FILIP1: variants seen among roughly 807,000 people sequenced by gnomAD.
The protein encoded by FILIP1 is filamin A interacting protein 1.
A neutral mutation model predicts 102.1 loss-of-function variants in FILIP1; 61 were observed. The observed-to-expected ratio is 0.60, with a 90% CI of 0.49 to 0.74. The LOEUF (loss-of-function observed/expected upper bound fraction) is 0.74, where lower values mean the gene tolerates loss of function less well. FILIP1 is among the 30% of genes least tolerant of loss of function. The probability of loss-of-function intolerance (pLI) is 0.00; values close to 1 mark genes in which losing one functional copy is unlikely to be tolerated. For missense variants in FILIP1, 1,314 were observed against 1,441.2 expected (o/e 0.91, Z 1.43); for synonymous variants, 491 against 526.9 (o/e 0.93, Z 0.93).
chr6:75,469,567 C>A (rs553275833), intron 1 of FILIP1, among the ~76,000 whole-genome samples: 10 of 152,078 alleles, frequency 6.6e-5, no homozygotes, highest in Non-Finnish European at 1.5e-4. Flanking sequence ...AAAGGATTAG[C>A]TTTTAAGAAT....
chr6:75,433,866 T>C (rs1426711103), intron 1 of FILIP1, among the ~76,000 whole-genome samples: 3 of 152,204 alleles, frequency 2.0e-5, no homozygotes, highest in African/African-American at 7.2e-5. Context: ...AATTTCTGTA[T>C]AAGGTGTAAG....
At chr6:75,493,037 GAA>G (rs1177153638) in intron 1 of FILIP1, among the ~76,000 whole-genome samples, 1 of 152,176 alleles carries the variant, frequency 6.6e-6, no homozygotes, top group Admixed American at 6.6e-5. Context: ...TTCAGTAAAT[GAA>G]AGTTATTTTA....
At chr6:75,480,086 T>C (rs1047940805) in intron 1 of FILIP1, among the ~76,000 whole-genome samples, 3 of 151,832 alleles carry the variant, frequency 2.0e-5, no homozygotes, top group African/African-American at 7.2e-5. Flanking sequence ...ATGTTTTAAA[T>C]TTTTTTTGTT....
At chr6:75,420,752 G>T (rs1050272443) in intron 1 of FILIP1, among the ~76,000 whole-genome samples, 2 of 151,704 alleles carry the variant, frequency 1.3e-5, no homozygotes, top group South Asian at 4.2e-4. Flanking sequence ...CTCCTTCCTG[G>T]GTAATTTTGT....
intron 4 of FILIP1, among the ~76,000 whole-genome samples, chr6:75,329,435 C>A (rs962110022): frequency 6.6e-6 from 1 of 152,216 alleles, no homozygotes; most frequent in Admixed American, 6.5e-5. Context: ...CGTTTTGCAA[C>A]ACAAATGTCA....
At chr6:75,299,033 A>T (rs1400157505) in intron 6 of FILIP1, among the ~76,000 whole-genome samples, 1 of 152,142 alleles carries the variant, frequency 6.6e-6, no homozygotes, top group Admixed American at 6.5e-5. Flanking sequence ...ATAAATTTTT[A>T]AAAATTAGTG....
intron 4 of FILIP1, among the ~76,000 whole-genome samples, chr6:75,323,222 T>G (rs1773722482): frequency 6.6e-6 from 1 of 152,222 alleles, no homozygotes; most frequent in Non-Finnish European, 1.5e-5. Flanking sequence ...AGTTCCATTC[T>G]GAGCTCCAAA....
At position 75,490,912 on chromosome 6, in the gene FILIP1, G is replaced by T. The variant is rs1222537806; in HGVS notation, c.-7+2502C>A. The stretch of plus-strand genomic sequence containing the variant: ...ATACTTTCTCATGTACTTATCATCA[G>T]ATATCTAGAGCCACAAATGTGAATG... On this transcript the variant is annotated intron_variant, in intron 1 of 5. Coordinates refer to ENST00000237172, the MANE Select transcript of FILIP1 (RefSeq NM_015687.5). Among the ~76,000 whole-genome samples the T allele has an allele frequency of 2.0e-5, 3 of 152,006 alleles. No homozygotes were observed. The East Asian group carries it at 5.8e-4, about 29-fold the overall frequency.
intron 4 of FILIP1, chr6:75,319,584 A>C: frequency 2.1e-6 from 1 of 486,148 alleles, no homozygotes; most frequent in South Asian, 1.7e-5. Context: ...TAATCCCAGC[A>C]CTTTGGGAGG....
intron 1 of FILIP1, among the ~76,000 whole-genome samples, chr6:75,462,175 C>T (rs1291778963): frequency 6.6e-6 from 1 of 152,182 alleles, no homozygotes; most frequent in Non-Finnish European, 1.5e-5. Context: ...TATCTCATCT[C>T]TTTAGGGCCC....
intron 2 of FILIP1, among the ~76,000 whole-genome samples, chr6:75,398,320 G>A (rs1203420447): frequency 2.0e-5 from 3 of 152,148 alleles, no homozygotes; most frequent in Non-Finnish European, 2.9e-5. Context: ...GTAATTATGA[G>A]GTCGTTTTAA....
intron 1 of FILIP1, among the ~76,000 whole-genome samples, chr6:75,441,731 G>A (rs1479052988): frequency 5.6e-5 from 8 of 143,266 alleles, no homozygotes; most frequent in Middle Eastern, 3.9e-3. Flanking sequence ...CCTCCCTCCC[G>A]GACGGGGCGG....
intron 1 of FILIP1, among the ~76,000 whole-genome samples, chr6:75,477,763 G>A (rs776886157): frequency 4.6e-5 from 7 of 152,100 alleles, no homozygotes; most frequent in Admixed American, 3.3e-4. Context: ...AGGAAAAGGC[G>A]AAGAGAGGGA....
chr6:75,314,621 C>T lies in FILIP1; in HGVS notation c.1211G>A (p.Cys404Tyr). Residue 404 changes from cysteine to tyrosine, a missense_variant, in exon 5 of 6, where the codon TGT becomes TAT. Cys to Tyr is a radical substitution (Grantham distance 194). This residue lies in a region of FILIP1 where 494 missense variants were observed against 511.2 expected (regional missense o/e 0.97). Coordinates refer to ENST00000237172, the MANE Select transcript of FILIP1 (RefSeq NM_015687.5). The stretch of plus-strand genomic sequence containing the variant: ...TTGCAGCTTCTTCCTCAATTCCCTA[C>T]ACTGGGATTCAGTTTTAGTGATCTC... Reference protein sequence around the residue: ...DEEITKTESQCRELRKKLQEE... With the variant: ...DEEITKTESQYRELRKKLQEE... 6.2e-7 allele frequency: 1 copy of T among 1,613,540 alleles called. No individual in the cohort carries two copies. Among genetic ancestry groups the T allele is most frequent in the Non-Finnish European group, 8.5e-7 (1 of 1,179,894 alleles).
At chr6:75,359,701 GA>G (rs1385868141) in intron 3 of FILIP1, among the ~76,000 whole-genome samples, 1 of 152,172 alleles carries the variant, frequency 6.6e-6, no homozygotes, top group African/African-American at 2.4e-5. Flanking sequence ...TGTGGCAGAA[GA>G]AAATATTTTT....
chr6:75,460,111 T>C (rs1014462015), intron 1 of FILIP1, among the ~76,000 whole-genome samples: 1 of 152,128 alleles, frequency 6.6e-6, no homozygotes, highest in African/African-American at 2.4e-5. Flanking sequence ...AAAAATCTCC[T>C]CAGCCCAGTC....
At chr6:75,426,562 A>G (rs1307672300) in intron 1 of FILIP1, among the ~76,000 whole-genome samples, 1 of 152,156 alleles carries the variant, frequency 6.6e-6, no homozygotes, top group Non-Finnish European at 1.5e-5. Flanking sequence ...GAGGCAGCTG[A>G]CATGCTAACA....
Position 75,353,574 on chromosome 6 carries a change from G to A in FILIP1, c.594C>T (p.Asp198=), listed in dbSNP as rs368134961. The A allele has an allele frequency of 5.5e-4, 889 of 1,614,044 alleles. 1 individual carries two copies. Among genetic ancestry groups the A allele is most frequent in the Non-Finnish European group, 6.9e-4 (810 of 1,180,044 alleles). ...HKHTDYMNKS[D]DFTNLLEQER... ...CCTGCTCCAGCAGGTTGGTGAAGTCGTCGCTCTTGTTCATGTAGTCAGTGT... is the reference window on the plus strand; with the variant it reads ...CCTGCTCCAGCAGGTTGGTGAAGTCATCGCTCTTGTTCATGTAGTCAGTGT... The change falls in exon 4 of 6, where the codon GAC becomes GAT. Residue 198 remains aspartate (D), a synonymous_variant. Transcript: ENST00000237172.
Position 75,313,076 on chromosome 6 carries a change from T to C in FILIP1, c.2756A>G (p.Glu919Gly), listed in dbSNP as rs754267328. Reference sequence around the variant, plus strand: ...TATCTCCAAAGTCGCAGTGCTGTTCTCGTGGTCTGGTGTCACTCGAATATG... The same window carrying C: ...TATCTCCAAAGTCGCAGTGCTGTTCCCGTGGTCTGGTGTCACTCGAATATG... ...PLHIRVTPDH[E>G]NSTATLEITS... is the part of the protein sequence containing the mutation. Residue 919 changes from glutamate (E) to glycine (G), a missense_variant, in exon 5 of 6, where the codon GAG becomes GGG. Physicochemically the swap from Glu to Gly is moderately conservative, Grantham distance 98. Coordinates refer to ENST00000237172, the MANE Select transcript of FILIP1 (RefSeq NM_015687.5). The surrounding 1 kb of genome is among the most constrained non-coding windows in gnomAD (Gnocchi z 4.2). The C allele has an allele frequency of 2.5e-6, 4 of 1,614,228 alleles. No individual in the cohort carries two copies. Among genetic ancestry groups the C allele is most frequent in the Non-Finnish European group, 3.4e-6 (4 of 1,180,048 alleles).
Sources: allele counts gnomAD v4.1 joint callset (sites outside exome capture counted in the v4.1 genomes callset), GRCh38; gene constraint gnomAD v4.1.1; regional missense constraint gnomAD v4.1.1; non-coding constraint Gnocchi (gnomAD v3.1); transcripts MANE v1.5; gene names NCBI Gene and HGNC (gene_info 2026-07-23, HGNC 2026-07-21).